The following MANEA variants were observed in gnomAD, a reference collection of about 807,000 sequenced individuals.
MANEA encodes the protein mannosidase endo-alpha.
MANEA carries 25 observed loss-of-function variants against 36.8 expected under a neutral mutation model. The ratio of observed to expected loss-of-function variants is 0.68; its 90% CI spans 0.50 to 0.95. The LOEUF (loss-of-function observed/expected upper bound fraction) is 0.95. Among genes scored for constraint, MANEA ranks in the 40% least tolerant of loss-of-function variants. MANEA has a pLI of 0.00. For missense variants in MANEA, 565 were observed against 558.8 expected, an observed-to-expected ratio of 1.01 and a Z score of -0.11; for synonymous variants, 198 against 188.5, an observed-to-expected ratio of 1.05 and a Z score of -0.41.
intron 2 of MANEA, among the ~76,000 whole-genome samples, chr6:95,587,749 A>G (rs183824446): frequency 6.6e-6 from 1 of 152,072 alleles, no homozygotes; most frequent in African/African-American, 2.4e-5. Flanking sequence ...TCTTAAAGTT[A>G]TTCTGTCAGT....
intron 1 of MANEA, among the ~76,000 whole-genome samples, chr6:95,584,515 T>C (rs571420571): frequency 4.6e-5 from 7 of 152,316 alleles, no homozygotes; most frequent in African/African-American, 1.7e-4. Context: ...ACTGGTTCTC[T>C]GCTCTCGAAC....
At chr6:95,592,213 G>A (rs1769397514) in intron 2 of MANEA, among the ~76,000 whole-genome samples, 1 of 152,114 alleles carries the variant, frequency 6.6e-6, no homozygotes, top group African/African-American at 2.4e-5. Flanking sequence ...GCCTATTAAA[G>A]GCATTAATTC....
At position 95,606,194 on chromosome 6, in the gene MANEA, GC is replaced by G; in HGVS notation, c.1182del (p.Ser395AlafsTer2). ...EIGLSAALQT[R>X]PSLISITSFN... Reference sequence around the variant, plus strand: ...GGTCTGAGTGCCGCACTTCAGACACGCCCCAGCTTAATTTCTATCACCTCTT... The same window carrying G: ...GGTCTGAGTGCCGCACTTCAGACACGCCCAGCTTAATTTCTATCACCTCTT... On this transcript the variant is annotated frameshift_variant, in exon 5 of 5. Coordinates refer to ENST00000358812, the MANE Select transcript of MANEA (RefSeq NM_024641.4). LOFTEE classifies it high-confidence loss of function. 1 of 1,613,966 alleles carries G rather than the reference GC, an allele frequency of 6.2e-7. No individual in the cohort carries two copies. The highest frequency in any genetic ancestry group is 8.5e-7 in the Non-Finnish European group (1 of 1,179,938).
intron 4 of MANEA, 92 bp from the exon 5 acceptor site, chr6:95,605,656 G>C: frequency 1.2e-6 from 1 of 858,880 alleles, no homozygotes; most frequent in Non-Finnish European, 1.9e-6. Flanking sequence ...TGCTCAAACT[G>C]CACTGACTCC....
In MANEA at chr6:95,608,779, T is replaced by C. The variant is rs909286048; in HGVS notation, c.*2374T>C. Reference sequence around the variant, plus strand: ...TATAAACTGGCATAGTAGTTGCATATAATCTATGCACATCCTCCTGTATAC... The same window carrying C: ...TATAAACTGGCATAGTAGTTGCATACAATCTATGCACATCCTCCTGTATAC... On this transcript the variant is annotated 3_prime_UTR_variant, in exon 5 of 5. Coordinates refer to ENST00000358812, the MANE Select transcript of MANEA (RefSeq NM_024641.4). 12 of 151,794 alleles carry C rather than the reference T, an allele frequency of 7.9e-5. No homozygotes were observed. Among genetic ancestry groups the C allele is most frequent in the African/African-American group, 2.9e-4 (12 of 41,388 alleles). 9.4% of individuals were successfully genotyped at this position (151,794 alleles called of 1,614,324 possible).
chr6:95,584,877 C>G (rs13191202), intron 1 of MANEA, among the ~76,000 whole-genome samples: 1 of 152,160 alleles, frequency 6.6e-6, no homozygotes, highest in Non-Finnish European at 1.5e-5. Context: ...AAAGAACCTA[C>G]GTTGAAATAT....
chr6:95,579,015 G>T (rs1008432167), intron 1 of MANEA, among the ~76,000 whole-genome samples: 1 of 152,074 alleles, frequency 6.6e-6, no homozygotes, highest in African/African-American at 2.4e-5. Context: ...CCATTTGCTG[G>T]CCCAGAGATT....
At chr6:95,603,026 C>CA (rs67486139) in intron 3 of MANEA, among the ~76,000 whole-genome samples, 2,124 of 63,268 alleles carry the variant, frequency 0.034, 130 homozygotes, top group African/African-American at 0.065. Context: ...GACTCCGTCT[C>CA]AAAAAAAAAA....
intron 3 of MANEA, among the ~76,000 whole-genome samples, chr6:95,603,221 A>C (rs1264950771): frequency 6.6e-6 from 1 of 152,122 alleles, no homozygotes; most frequent in African/African-American, 2.4e-5. Flanking sequence ...ATTTTGATAT[A>C]GGATATTTCA....
intron 1 of MANEA, among the ~76,000 whole-genome samples, chr6:95,578,030 C>G (rs571642388): frequency 6.6e-6 from 1 of 152,182 alleles, no homozygotes; most frequent in Non-Finnish European, 1.5e-5. Flanking sequence ...GCACCTTCTC[C>G]TTGTGCCCCC....
intron 1 of MANEA, among the ~76,000 whole-genome samples, chr6:95,584,678 T>A (rs1769246527): frequency 6.6e-6 from 1 of 152,202 alleles, no homozygotes; most frequent in African/African-American, 2.4e-5. Flanking sequence ...TGTGATCTTG[T>A]GAGTTACTCC....
At chr6:95,605,495 G>C (rs982116807) in intron 4 of MANEA, among the ~76,000 whole-genome samples, 15 of 152,090 alleles carry the variant, frequency 9.9e-5, no homozygotes, top group African/African-American at 3.6e-4. Flanking sequence ...GGCTTTTTAT[G>C]GCATTAGTCA....
chr6:95,586,569 C>A lies in MANEA; in HGVS notation c.130C>A (p.Leu44Ile), dbSNP rs1332056269. ...TTTTGGAGCTCCTTTTGGACTTGAC[C>A]TTCTTCCAGAACTTCATCAACGAAC... Reference protein sequence around the residue: ...ATFGAPFGLDLLPELHQRTIH... With the variant: ...ATFGAPFGLDILPELHQRTIH... The change falls in exon 2 of 5, where the codon CTT (leucine) becomes ATT (isoleucine). Residue 44 changes from leucine to isoleucine, a missense_variant. Leu to Ile is a conservative substitution (Grantham distance 5). Transcript: ENST00000358812. 3 of 1,613,828 alleles carry A rather than the reference C, an allele frequency of 1.9e-6. No homozygotes were observed. Among genetic ancestry groups the A allele is most frequent in the Admixed American group, 3.3e-5 (2 of 60,002 alleles).
At chr6:95,578,660 A>G (rs1038293898) in intron 1 of MANEA, among the ~76,000 whole-genome samples, 1 of 152,184 alleles carries the variant, frequency 6.6e-6, no homozygotes, top group Non-Finnish European at 1.5e-5. Context: ...ACAAAAAATC[A>G]CAACAATGAA....
intron 3 of MANEA, among the ~76,000 whole-genome samples, chr6:95,602,747 G>A (rs1052050937): frequency 2.0e-5 from 3 of 151,954 alleles, no homozygotes; most frequent in Non-Finnish European, 4.4e-5. Context: ...ATGGCCGGGC[G>A]CGGTGGCTCA....
rs535778097 is a variant in MANEA at position 95,599,403 on chromosome 6, T to C, written c.654+2557T>C. Among the ~76,000 whole-genome samples, 252 of 138,706 alleles carry C rather than the reference T, an allele frequency of 1.8e-3. 3 individuals are homozygous for C. Among genetic ancestry groups the C allele is most frequent in the Non-Finnish European group, 2.6e-3 (168 of 64,908 alleles). 91.0% of individuals were successfully genotyped at this position (138,706 alleles called of 152,430 possible). On this transcript the variant is annotated intron_variant, in intron 3 of 4. Coordinates refer to ENST00000358812, the MANE Select transcript of MANEA (RefSeq NM_024641.4). ...CTGCACTCCAGCCTGGGCGACAGAG[T>C]GAGAGTCTATCTCAAAAAAAAAAAA...
intron 2 of MANEA, among the ~76,000 whole-genome samples, chr6:95,593,225 G>A (rs932270670): frequency 2.4e-4 from 36 of 152,160 alleles, no homozygotes; most frequent in Admixed American, 2.2e-3. Flanking sequence ...TCACTGGCGT[G>A]GTTCCCAGGC....
At chr6:95,601,377 C>G (rs1029323552) in intron 3 of MANEA, among the ~76,000 whole-genome samples, 10 of 152,068 alleles carry the variant, frequency 6.6e-5, no homozygotes, top group African/African-American at 2.4e-4. Flanking sequence ...ACTTCCTGCC[C>G]TGTTGTTGTT....
intron 1 of MANEA, among the ~76,000 whole-genome samples, chr6:95,581,752 A>G (rs556211888): frequency 6.6e-6 from 1 of 152,204 alleles, no homozygotes. Flanking sequence ...GCTGAAGTCA[A>G]CGTTTCAAAA....
Sources: gnomAD v4.1 joint callset for allele counts (sites outside exome capture counted in the v4.1 genomes callset) on GRCh38, gnomAD v4.1.1 for gene constraint, MANE v1.5 for transcripts, NCBI Gene and HGNC (gene_info 2026-07-23, HGNC 2026-07-21) for gene names.